Variants in NTN1 observed in about 807,000 individuals in gnomAD.
NTN1 encodes netrin 1, also known as netrin-1.
In NTN1, 11 loss-of-function variants were observed where a neutral mutation model predicts 54.2. The observed-to-expected ratio is 0.20, with a 90% confidence interval of 0.13 to 0.34. The LOEUF (loss-of-function observed/expected upper bound fraction) is 0.34, where lower values mean the gene tolerates loss of function less well. Among genes scored for constraint, NTN1 ranks in the 10% least tolerant of loss-of-function variants. The pLI, the probability that NTN1 is intolerant of heterozygous loss-of-function variation, is 1.00. For missense variants in NTN1, 740 were observed against 893.1 expected (o/e 0.83, Z 2.18); for synonymous variants, 371 against 382.0 (o/e 0.97, Z 0.33).
chr17:9,218,362 G>T (rs62068234), intron 5 of NTN1, among the ~76,000 whole-genome samples: 4 of 152,138 alleles, frequency 2.6e-5, no homozygotes, highest in Admixed American at 2.6e-4. Context: ...TTCATCAACC[G>T]TGAGAACAGT....
intron 2 of NTN1, among the ~76,000 whole-genome samples, chr17:9,078,586 G>A (rs1478175101): frequency 6.6e-6 from 1 of 152,218 alleles, no homozygotes; most frequent in Non-Finnish European, 1.5e-5. Flanking sequence ...TTATGGCTGA[G>A]GTTTTATGTT....
chr17:9,127,521 G>A lies in NTN1; in HGVS notation c.1019-35292G>A, dbSNP rs375500518. Among the ~76,000 whole-genome samples, 7 of 152,088 alleles carry A rather than the reference G, an allele frequency of 4.6e-5. No homozygotes were observed. In the East Asian group the frequency reaches 5.8e-4, roughly 13 times the overall value. ...ACTGGGGAGCGTGGTGCAGGCTGGA[G>A]TGAAGGACGGTTGGAGTGGTGGCAG... is the stretch of plus-strand genomic sequence containing the variant. On this transcript the variant is annotated intron_variant, in intron 2 of 6. Coordinates refer to ENST00000173229, the MANE Select transcript of NTN1 (RefSeq NM_004822.3).
At chr17:9,054,600 A>G (rs755968301) in intron 2 of NTN1, among the ~76,000 whole-genome samples, 7 of 152,232 alleles carry the variant, frequency 4.6e-5, no homozygotes, top group Non-Finnish European at 1.0e-4. Context: ...AGAAAGGAGG[A>G]GGGAGAGAAA....
At chr17:9,034,897 A>G (rs1261164712) in intron 2 of NTN1, among the ~76,000 whole-genome samples, 2 of 151,722 alleles carry the variant, frequency 1.3e-5, no homozygotes, top group African/African-American at 2.4e-5. Flanking sequence ...CCCAGTTACC[A>G]CGCCCCCTAC....
chr17:9,019,569 C>T (rs561971070), upstream of NTN1, among the ~76,000 whole-genome samples: 8 of 152,290 alleles, frequency 5.3e-5, no homozygotes, highest in African/African-American at 1.9e-4. Context: ...GTCTATATCC[C>T]ATCAGCTATA....
At chr17:9,129,422 C>T (rs2092257207) in intron 2 of NTN1, among the ~76,000 whole-genome samples, 5 of 152,184 alleles carry the variant, frequency 3.3e-5, no homozygotes, top group Admixed American at 3.3e-4. Context: ...CTGAGTGCCT[C>T]TGCTCACTGG....
At chr17:9,058,637 CAAAAAAAAAAAAA>C (rs3053457) in intron 2 of NTN1, among the ~76,000 whole-genome samples, 11 of 58,906 alleles carry the variant, frequency 1.9e-4, no homozygotes, top group Non-Finnish European at 2.4e-4. Context: ...GGTAGGCACT[CAAAAAAAAAAAAA>C]AAAAAAAAAA....
At chr17:9,118,676 ACCG>A (rs1399128554) in intron 2 of NTN1, among the ~76,000 whole-genome samples, 1 of 150,450 alleles carries the variant, frequency 6.6e-6, no homozygotes, top group Non-Finnish European at 1.5e-5. Context: ...CTGAACAACC[ACCG>A]CTCTACTTTC....
At chr17:9,069,196 A>G (rs1043586228) in intron 2 of NTN1, among the ~76,000 whole-genome samples, 2 of 151,890 alleles carry the variant, frequency 1.3e-5, no homozygotes, top group South Asian at 4.2e-4. Flanking sequence ...ACTTTTCCCA[A>G]CTGCTAAATT....
intron 2 of NTN1, among the ~76,000 whole-genome samples, chr17:9,026,207 G>A (rs573156273): frequency 2.6e-5 from 4 of 151,850 alleles, no homozygotes; most frequent in African/African-American, 9.7e-5. Context: ...ATTATCATTT[G>A]ACTGAACAGT....
chr17:9,181,626 G>A (rs2092419202), intron 4 of NTN1, among the ~76,000 whole-genome samples: 1 of 152,216 alleles, frequency 6.6e-6, no homozygotes, highest in African/African-American at 2.4e-5. Context: ...TAAAGGAGCA[G>A]AGGATGCCTC....
At chr17:9,230,867 T>TTAGG (rs1373227708) in intron 6 of NTN1, among the ~76,000 whole-genome samples, 1 of 152,064 alleles carries the variant, frequency 6.6e-6, no homozygotes, top group Non-Finnish European at 1.5e-5. Flanking sequence ...CATCCTGTTT[T>TTAGG]TAGGAAGGAG....
At chr17:9,150,460 C>T (rs547392264) in intron 2 of NTN1, among the ~76,000 whole-genome samples, 4 of 152,270 alleles carry the variant, frequency 2.6e-5, no homozygotes, top group African/African-American at 9.6e-5. Context: ...CTAAAGTCCC[C>T]GAAGGAGGTG....
At chr17:9,057,378 G>A (rs902303260) in intron 2 of NTN1, among the ~76,000 whole-genome samples, 1 of 152,144 alleles carries the variant, frequency 6.6e-6, no homozygotes, top group Non-Finnish European at 1.5e-5. Context: ...CTGGTTGATT[G>A]CACACAGATC....
chr17:9,081,410 A>T (rs2092070676), intron 2 of NTN1, among the ~76,000 whole-genome samples: 1 of 152,012 alleles, frequency 6.6e-6, no homozygotes, highest in South Asian at 2.1e-4. Context: ...TCAACCAGTC[A>T]CCTAATCTTG....
intron 2 of NTN1, among the ~76,000 whole-genome samples, chr17:9,111,618 A>G (rs2092191110): frequency 6.6e-6 from 1 of 152,216 alleles, no homozygotes; most frequent in East Asian, 1.9e-4. Context: ...GACTCCCCCA[A>G]AACGTAACTA....
intron 3 of NTN1, among the ~76,000 whole-genome samples, chr17:9,166,918 A>G (rs1167156559): frequency 6.6e-6 from 1 of 151,334 alleles, no homozygotes; most frequent in Non-Finnish European, 1.5e-5. Flanking sequence ...GGACCCAGAC[A>G]AGAACAGCCT....
At chr17:9,184,579 G>T (rs1187771872) in intron 5 of NTN1, among the ~76,000 whole-genome samples, 2 of 152,220 alleles carry the variant, frequency 1.3e-5, no homozygotes, top group Non-Finnish European at 2.9e-5. Context: ...CACCGCGGGG[G>T]GCTGAGGCTT....
intron 2 of NTN1, among the ~76,000 whole-genome samples, chr17:9,090,167 T>C (rs1026804358): frequency 6.7e-6 from 1 of 149,854 alleles, no homozygotes; most frequent in African/African-American, 2.5e-5. Flanking sequence ...AAACTCATCT[T>C]TTTTTTTTTC....
Sources: gnomAD v4.1 joint callset for allele counts (sites outside exome capture counted in the v4.1 genomes callset) on GRCh38, gnomAD v4.1.1 for gene constraint, MANE v1.5 for transcripts, NCBI Gene and HGNC (gene_info 2026-07-23, HGNC 2026-07-21) for gene names.